Variants in SH2D4A observed in about 807,000 individuals in gnomAD.
The protein encoded by SH2D4A is SH2 domain containing 4A.
In SH2D4A, 70 loss-of-function variants were observed where a neutral mutation model predicts 64.7. That is an observed-to-expected ratio of 1.08 (90% confidence interval 0.89 to 1.32). The LOEUF is 1.32. SH2D4A is among the 40% of genes most tolerant of loss of function. The pLI is 0.00. For synonymous variants in SH2D4A, 268 were observed against 200.7 expected (o/e 1.34, Z -2.83); for missense variants, 706 against 540.1 (o/e 1.31, Z -3.04).
At chr8:19,373,795 C>G in intron 8 of SH2D4A, 135 bp downstream of exon 8, 1 of 1,274,392 alleles carries the variant, frequency 7.8e-7, no homozygotes, top group Admixed American at 2.9e-5. Flanking sequence ...TTTCACAAAG[C>G]AGTTTTTCAA....
At chr8:19,358,709 C>T (rs1322084680) in intron 5 of SH2D4A, among the ~76,000 whole-genome samples, 1 of 152,188 alleles carries the variant, frequency 6.6e-6, no homozygotes, top group African/African-American at 2.4e-5. Context: ...AGGCATCCTC[C>T]TTTGGGGACA....
intron 8 of SH2D4A, among the ~76,000 whole-genome samples, chr8:19,389,603 A>G (rs1224331714): frequency 6.6e-6 from 1 of 152,080 alleles, no homozygotes; most frequent in Non-Finnish European, 1.5e-5. Context: ...AGTGACATCT[A>G]CTTTCTTGTG....
chr8:19,347,749 CA>C (rs1465590481), intron 4 of SH2D4A, among the ~76,000 whole-genome samples: 2 of 152,164 alleles, frequency 1.3e-5, no homozygotes, highest in African/African-American at 4.8e-5. Context: ...ATCTGGGATT[CA>C]AAGTATTACA....
intron 4 of SH2D4A, among the ~76,000 whole-genome samples, chr8:19,335,142 G>T (rs905256808): frequency 1.3e-5 from 2 of 151,968 alleles, no homozygotes; most frequent in Non-Finnish European, 2.9e-5. Context: ...AAAAAAATTA[G>T]CTGGGCGTGG....
chr8:19,363,705 C>A, intron 6 of SH2D4A: 1 of 304,738 alleles, frequency 3.3e-6, no homozygotes, highest in African/African-American at 2.1e-5. Flanking sequence ...GTGACAATTG[C>A]CTCTTATTAC....
At chr8:19,313,901 G>A (rs1020042206) in intron 1 of SH2D4A, 78 bp downstream of exon 1, 40 of 1,367,484 alleles carry the variant, frequency 2.9e-5, no homozygotes, top group Non-Finnish European at 1.3e-5. Context: ...TTTCCTCGGA[G>A]GTTGCATGGG....
At chr8:19,353,695 T>TTTA (rs1554481600) in intron 4 of SH2D4A, among the ~76,000 whole-genome samples, 5 of 146,318 alleles carry the variant, frequency 3.4e-5, no homozygotes, top group Admixed American at 7.0e-5. Context: ...TTTTTTTTTT[T>TTTA]AATAAAGGAA....
intron 4 of SH2D4A, among the ~76,000 whole-genome samples, chr8:19,349,544 A>G (rs1245848849): frequency 6.6e-6 from 1 of 152,196 alleles, no homozygotes; most frequent in Non-Finnish European, 1.5e-5. Flanking sequence ...GAACTCATTA[A>G]AAGTAGTATT....
chr8:19,331,881 G>A (rs1403836220), intron 2 of SH2D4A, among the ~76,000 whole-genome samples: 1 of 152,170 alleles, frequency 6.6e-6, no homozygotes, highest in East Asian at 1.9e-4. Flanking sequence ...GCTAGGATTT[G>A]AACTCAAGGT....
intron 4 of SH2D4A, among the ~76,000 whole-genome samples, chr8:19,338,820 T>C (rs1191293278): frequency 6.6e-6 from 1 of 152,244 alleles, no homozygotes; most frequent in African/African-American, 2.4e-5. Context: ...GGAAAACCAG[T>C]ACAATCTGGT....
At chr8:19,327,116 G>C (rs1451926636) in intron 2 of SH2D4A, among the ~76,000 whole-genome samples, 1 of 152,194 alleles carries the variant, frequency 6.6e-6, no homozygotes, top group Admixed American at 6.5e-5. Context: ...AATGAAGTGT[G>C]GATGTATCTC....
chr8:19,388,444 G>A (rs2053427291), intron 8 of SH2D4A, among the ~76,000 whole-genome samples: 1 of 152,192 alleles, frequency 6.6e-6, no homozygotes, highest in Admixed American at 6.5e-5. Context: ...CAGCCAGCCT[G>A]GGTCCAATTC....
At chr8:19,358,616 A>G (rs1053524900) in intron 5 of SH2D4A, among the ~76,000 whole-genome samples, 2 of 152,184 alleles carry the variant, frequency 1.3e-5, no homozygotes, top group Admixed American at 6.5e-5. Context: ...CTCACTTGGC[A>G]TGGTGGGGAA....
At chr8:19,387,917 A>T (rs1305592244) in intron 8 of SH2D4A, among the ~76,000 whole-genome samples, 1 of 152,228 alleles carries the variant, frequency 6.6e-6, no homozygotes. Flanking sequence ...TGAAGTGAGG[A>T]TGAATAACGC....
chr8:19,313,927 G>A (rs2052039131), intron 1 of SH2D4A, 104 bp downstream of exon 1: 1 of 1,309,110 alleles, frequency 7.6e-7, no homozygotes, highest in East Asian at 3.1e-5. Context: ...GGGAGGCGCA[G>A]GGGCCAGAGC....
chr8:19,340,832 G>C (rs771606687), intron 4 of SH2D4A, among the ~76,000 whole-genome samples: 8 of 151,920 alleles, frequency 5.3e-5, no homozygotes, highest in African/African-American at 1.9e-4. Flanking sequence ...TCCTGGGCTC[G>C]AGTGATCCTC....
chr8:19,385,806 C>T (rs2153651720), intron 8 of SH2D4A, among the ~76,000 whole-genome samples: 1 of 152,284 alleles, frequency 6.6e-6, no homozygotes, highest in East Asian at 1.9e-4. Flanking sequence ...TCTTAGCAGA[C>T]CTGAGTCACT....
At chr8:19,344,683 G>A (rs1337081780) in intron 4 of SH2D4A, among the ~76,000 whole-genome samples, 1 of 152,142 alleles carries the variant, frequency 6.6e-6, no homozygotes, top group African/African-American at 2.4e-5. Context: ...GGCCATGACA[G>A]CTACCATACC....
chr8:19,364,198 G>A lies in SH2D4A; in HGVS notation c.833G>A (p.Arg278His), dbSNP rs552781847. 3.5e-5 allele frequency: 56 copies of A among 1,614,174 alleles called. No homozygotes were observed. Among genetic ancestry groups the A allele is most frequent in the East Asian group, 1.8e-4 (8 of 44,876 alleles). ...GGTGAGAGGCTGCAAAGCCCCTTGC[G>A]TGTTCCGCAGAAACCAGAAAGACCT... ...RGGERLQSPL[R>H]VPQKPERPPL... Residue 278 changes from arginine (R) to histidine (H), a missense_variant, in exon 7 of 10, where the codon CGT becomes CAT. Transcript: ENST00000265807.
Sources: gnomAD v4.1 joint callset for allele counts (sites outside exome capture counted in the v4.1 genomes callset) on GRCh38, gnomAD v4.1.1 for gene constraint, MANE v1.5 for transcripts, NCBI Gene and HGNC (gene_info 2026-07-23, HGNC 2026-07-21) for gene names.